Variants in SDHAF3 observed in about 807,000 individuals in gnomAD.
SDHAF3 encodes succinate dehydrogenase complex assembly factor 3.
Under a neutral mutation model 11.5 loss-of-function variants are expected in SDHAF3, and 18 were observed. The ratio of observed to expected loss-of-function variants is 1.56; its 90% CI spans 1.08 to 2.32. The LOEUF (loss-of-function observed/expected upper bound fraction) is 2.32. Among genes scored for constraint, SDHAF3 ranks in the 30% most tolerant of loss-of-function variants. The probability of loss-of-function intolerance (pLI) is 0.00; values close to 1 mark genes in which losing one functional copy is unlikely to be tolerated. For missense variants in SDHAF3, 200 were observed against 154.4 expected (o/e 1.30, Z -1.57); for synonymous variants, 72 against 59.3 (o/e 1.21, Z -0.99).
chr7:97,122,929 T>C (rs919014905), intron 1 of SDHAF3, among the ~76,000 whole-genome samples: 21 of 148,582 alleles, frequency 1.4e-4, no homozygotes, highest in Non-Finnish European at 2.7e-4. Context: ...TTTTTTTTTT[T>C]CCATCTGTAT....
chr7:97,173,546 AT>A (rs10538365), intron 1 of SDHAF3, among the ~76,000 whole-genome samples: 40,208 of 134,934 alleles, frequency 0.3, 4,780 homozygotes, highest in East Asian at 0.36. Context: ...CAAAATTAGA[AT>A]TTTTTTTTTT....
At chr7:97,156,472 ATGT>A (rs1463335327) in intron 1 of SDHAF3, among the ~76,000 whole-genome samples, 2 of 152,126 alleles carry the variant, frequency 1.3e-5, no homozygotes, top group Non-Finnish European at 2.9e-5. Context: ...TGCATTGTTA[ATGT>A]TGTCTTCAGA....
intron 1 of SDHAF3, among the ~76,000 whole-genome samples, chr7:97,137,612 G>C (rs528661144): frequency 3.3e-4 from 51 of 152,270 alleles, no homozygotes; most frequent in South Asian, 8.3e-4. Flanking sequence ...AGGGGTTATG[G>C]ATATTAGTAC....
Position 97,117,766 on chromosome 7 carries a change from C to G in SDHAF3, c.43C>G (p.Arg15Gly). ...TTCTCGAGTCCGGGCATTGTACAAG[C>G]GCGTCTTGCAGCTGCACCGTGTTCT... is the stretch of plus-strand genomic sequence containing the variant. ...HVSRVRALYKRVLQLHRVLPP... is the reference protein window; with the variant it reads ...HVSRVRALYKGVLQLHRVLPP... Residue 15 changes from arginine (R) to glycine (G), a missense_variant, in exon 1 of 2, where the codon CGC becomes GGC. Transcript: ENST00000432641. 3.1e-6 allele frequency: 5 copies of G among 1,614,186 alleles called. No homozygotes were observed. The highest frequency in any genetic ancestry group is 4.2e-6 in the Non-Finnish European group (5 of 1,180,020).
Position 97,181,039 on chromosome 7 carries a change from G to T in SDHAF3, c.202G>T (p.Ala68Ser). 6.2e-7 allele frequency: 1 copy of T among 1,613,782 alleles called. No homozygotes were observed. Among genetic ancestry groups the T allele is most frequent in the Non-Finnish European group, 8.5e-7 (1 of 1,179,864 alleles). ...GTATGCAACAGCGTTATTGCAACAGGCTAACGAAAACAGACAAAATTCAAC... is the reference window on the plus strand; with the variant it reads ...GTATGCAACAGCGTTATTGCAACAGTCTAACGAAAACAGACAAAATTCAAC... Reference protein sequence around the residue: ...EVYATALLQQANENRQNSTGK... With the variant: ...EVYATALLQQSNENRQNSTGK... Residue 68 changes from alanine to serine, a missense_variant, in exon 2 of 2, where the codon GCT becomes TCT. By Grantham distance (99) the Ala-to-Ser change is moderately conservative. Coordinates refer to ENST00000432641, the MANE Select transcript of SDHAF3 (RefSeq NM_020186.3).
chr7:97,121,572 A>T (rs1791497271), intron 1 of SDHAF3, among the ~76,000 whole-genome samples: 1 of 152,232 alleles, frequency 6.6e-6, no homozygotes, highest in South Asian at 2.1e-4. Context: ...ACAATGTGCT[A>T]GGCATTTAAG....
chr7:97,131,844 A>G (rs990216967), intron 1 of SDHAF3, among the ~76,000 whole-genome samples: 6 of 152,186 alleles, frequency 3.9e-5, no homozygotes, highest in South Asian at 2.1e-4. Flanking sequence ...TTGCATATCT[A>G]TAGTAAAGTG....
At chr7:97,143,578 C>T (rs1333512045) in intron 1 of SDHAF3, among the ~76,000 whole-genome samples, 3 of 151,950 alleles carry the variant, frequency 2.0e-5, no homozygotes, top group Admixed American at 6.6e-5. Flanking sequence ...TCGTGAGTTA[C>T]GTCACTTGGA....
chr7:97,175,516 T>C (rs1041659781), intron 1 of SDHAF3, among the ~76,000 whole-genome samples: 5 of 152,346 alleles, frequency 3.3e-5, no homozygotes, highest in East Asian at 1.9e-4. Context: ...TTTGGTTTAC[T>C]AAAAACTAAG....
chr7:97,147,327 T>G (rs1047243851), intron 1 of SDHAF3, among the ~76,000 whole-genome samples: 5 of 152,256 alleles, frequency 3.3e-5, no homozygotes, highest in African/African-American at 1.2e-4. Context: ...TGTGCTCTCA[T>G]AATTCATTGT....
At chr7:97,131,976 T>G (rs1462651920) in intron 1 of SDHAF3, among the ~76,000 whole-genome samples, 1 of 152,218 alleles carries the variant, frequency 6.6e-6, no homozygotes, top group African/African-American at 2.4e-5. Flanking sequence ...ATGGAAAAAC[T>G]GTAACATAAT....
Position 97,151,501 on chromosome 7 carries a change from T to TA in SDHAF3, c.175-29511_175-29510insA, listed in dbSNP as rs1335765326. The stretch of plus-strand genomic sequence containing the variant: ...TCTGGGTGAGGTTGCTAACCTTTAG[T>TA]CCTTTTTTTTTTTTTGAGTTGGAGT... On this transcript the variant is annotated intron_variant, in intron 1 of 1. Transcript: ENST00000432641. Among the ~76,000 whole-genome samples, 52 of 27,542 alleles carry TA rather than the reference T, an allele frequency of 1.9e-3. No individual in the cohort carries two copies. The East Asian group carries it at 0.065, about 34-fold the overall frequency. The allele number at this position is 27,542 out of a possible 152,430, so 18.1% of individuals were successfully genotyped here.
intron 1 of SDHAF3, among the ~76,000 whole-genome samples, chr7:97,174,696 G>A (rs1382303470): frequency 2.0e-5 from 3 of 152,162 alleles, no homozygotes; most frequent in Admixed American, 1.3e-4. Flanking sequence ...GATTGAGGTT[G>A]TGCATTATTG....
chr7:97,173,742 C>T (rs1224134556), intron 1 of SDHAF3, among the ~76,000 whole-genome samples: 3 of 151,650 alleles, frequency 2.0e-5, no homozygotes, highest in Non-Finnish European at 4.4e-5. Flanking sequence ...TTAGTAGAGA[C>T]GAGGTTTCAC....
At chr7:97,159,154 A>T (rs1400790275) in intron 1 of SDHAF3, among the ~76,000 whole-genome samples, 2 of 152,242 alleles carry the variant, frequency 1.3e-5, no homozygotes, top group African/African-American at 4.8e-5. Flanking sequence ...TATAACAAAT[A>T]ATTCCAAAGT....
At chr7:97,151,927 A>G (rs1177507384) in intron 1 of SDHAF3, among the ~76,000 whole-genome samples, 1 of 152,104 alleles carries the variant, frequency 6.6e-6, no homozygotes, top group African/African-American at 2.4e-5. Context: ...GATACCAAAG[A>G]GCCTTACTTT....
intron 1 of SDHAF3, among the ~76,000 whole-genome samples, chr7:97,139,380 G>A (rs575055622): frequency 6.6e-6 from 1 of 151,834 alleles, no homozygotes; most frequent in Non-Finnish European, 1.5e-5. Flanking sequence ...GAATGGGGGA[G>A]TGTATGCCGA....
intron 1 of SDHAF3, among the ~76,000 whole-genome samples, chr7:97,176,728 A>C (rs1299019019): frequency 6.6e-6 from 1 of 152,126 alleles, no homozygotes; most frequent in African/African-American, 2.4e-5. Flanking sequence ...CTCACACATG[A>C]AATGTATTTC....
rs537432839 is a variant in SDHAF3 at position 97,143,064 on chromosome 7, G to A, written c.174+25167G>A. Among the ~76,000 whole-genome samples the A allele has an allele frequency of 4.0e-5, 6 of 151,122 alleles. No individual in the cohort carries two copies. In the South Asian group the frequency reaches 8.4e-4, roughly 21 times the overall value. On this transcript the variant is annotated intron_variant, in intron 1 of 1. Transcript: ENST00000432641. ...ACAGGCAGACGCCACCACATCTGGCGAATTTTTGTATTTTTAGTAGGAAGT... is the reference window on the plus strand; with the variant it reads ...ACAGGCAGACGCCACCACATCTGGCAAATTTTTGTATTTTTAGTAGGAAGT...
Sources: gnomAD v4.1 joint callset for allele counts (sites outside exome capture counted in the v4.1 genomes callset) on GRCh38, gnomAD v4.1.1 for gene constraint, MANE v1.5 for transcripts, NCBI Gene and HGNC (gene_info 2026-07-23, HGNC 2026-07-21) for gene names.